Variants in CAMKMT observed in about 807,000 individuals in gnomAD.
CAMKMT encodes the protein calmodulin-lysine N-methyltransferase.
CAMKMT carries 53 observed loss-of-function variants against 48.0 expected under a neutral mutation model. The ratio of observed to expected loss-of-function variants is 1.10; its 90% CI spans 0.89 to 1.39. CAMKMT has a LOEUF of 1.39. Ranked by LOEUF, CAMKMT falls within the 40% of genes most tolerant of loss-of-function variation. CAMKMT has a pLI of 0.00. For missense variants in CAMKMT, 428 were observed against 402.7 expected, an observed-to-expected ratio of 1.06 and a Z score of -0.54; for synonymous variants, 165 against 152.3, an observed-to-expected ratio of 1.08 and a Z score of -0.61.
intron 1 of CAMKMT, among the ~76,000 whole-genome samples, chr2:44,367,644 C>T (rs1236368661): frequency 6.9e-6 from 1 of 144,386 alleles, no homozygotes; most frequent in African/African-American, 3.0e-5. Context: ...TTGCACTCTC[C>T]TCTCTGGCAG....
chr2:44,599,457 T>G (rs1189167126), intron 3 of CAMKMT, among the ~76,000 whole-genome samples: 1 of 152,084 alleles, frequency 6.6e-6, no homozygotes, highest in Non-Finnish European at 1.5e-5. Context: ...CTGGAAAAAA[T>G]GTAGATACAT....
chr2:44,453,557 C>T (rs2104597120), intron 3 of CAMKMT, among the ~76,000 whole-genome samples: 1 of 152,158 alleles, frequency 6.6e-6, no homozygotes, highest in South Asian at 2.1e-4. Context: ...GACAGCTTGG[C>T]AATGAAATTC....
chr2:44,541,430 CT>C (rs1185722299), intron 3 of CAMKMT, among the ~76,000 whole-genome samples: 2 of 151,992 alleles, frequency 1.3e-5, no homozygotes, highest in African/African-American at 4.8e-5. Flanking sequence ...TTATGTTTAT[CT>C]ATATTTTATT....
At chr2:44,409,108 T>TTGCTAC (rs1558587797) in intron 3 of CAMKMT, among the ~76,000 whole-genome samples, 5 of 3,672 alleles carry the variant, frequency 1.4e-3, no homozygotes, top group African/African-American at 3.8e-3. Context: ...TATATATATA[T>TTGCTAC]ATATATATAT....
chr2:44,662,289 T>A (rs528102913), intron 3 of CAMKMT, among the ~76,000 whole-genome samples: 1 of 152,340 alleles, frequency 6.6e-6, no homozygotes, highest in South Asian at 2.1e-4. Context: ...GTATGATGCC[T>A]AGAATGACAA....
intron 3 of CAMKMT, among the ~76,000 whole-genome samples, chr2:44,487,195 A>G (rs950304900): frequency 9.2e-5 from 14 of 152,318 alleles, no homozygotes; most frequent in Admixed American, 3.9e-4. Context: ...AGAACAAACT[A>G]CTTTTCTCAG....
chr2:44,580,747 A>T (rs1669510190), intron 3 of CAMKMT, among the ~76,000 whole-genome samples: 2 of 152,198 alleles, frequency 1.3e-5, no homozygotes. Context: ...GAATGTTGTT[A>T]CAATAGAAAC....
At chr2:44,518,208 A>T (rs1279896566) in intron 3 of CAMKMT, among the ~76,000 whole-genome samples, 1 of 152,148 alleles carries the variant, frequency 6.6e-6, no homozygotes, top group African/African-American at 2.4e-5. Flanking sequence ...ATTGTTAGAC[A>T]AAAATACAAG....
intron 3 of CAMKMT, among the ~76,000 whole-genome samples, chr2:44,424,567 C>T (rs1260184955): frequency 6.6e-6 from 1 of 152,144 alleles, no homozygotes; most frequent in Non-Finnish European, 1.5e-5. Context: ...AACTACCAGG[C>T]CTGACGGAAT....
intron 3 of CAMKMT, among the ~76,000 whole-genome samples, chr2:44,507,378 A>G (rs376410341): frequency 1.1e-4 from 16 of 152,326 alleles, no homozygotes; most frequent in African/African-American, 3.8e-4. Flanking sequence ...ACTTATAAAA[A>G]AAACCTTATG....
intron 3 of CAMKMT, among the ~76,000 whole-genome samples, chr2:44,530,450 G>A (rs1311745815): frequency 6.6e-6 from 1 of 152,104 alleles, no homozygotes; most frequent in Non-Finnish European, 1.5e-5. Context: ...AGCTCTTAAG[G>A]CACTTCTAAA....
intron 3 of CAMKMT, among the ~76,000 whole-genome samples, chr2:44,556,591 T>G (rs1484441297): frequency 1.6e-5 from 1 of 62,646 alleles, no homozygotes; most frequent in African/African-American, 6.4e-5. Flanking sequence ...TGCCTCAGCC[T>G]CCCGAGTAGC....
At chr2:44,379,510 A>AT (rs1221455339) in intron 2 of CAMKMT, among the ~76,000 whole-genome samples, 3 of 152,142 alleles carry the variant, frequency 2.0e-5, no homozygotes, top group African/African-American at 7.2e-5. Context: ...GGGCTGTACC[A>AT]TTTTATATTC....
chr2:44,694,954 G>T (rs1676857228), intron 3 of CAMKMT, among the ~76,000 whole-genome samples: 1 of 152,176 alleles, frequency 6.6e-6, no homozygotes, highest in Non-Finnish European at 1.5e-5. Context: ...AAGCACTAAA[G>T]AATAGGAAAT....
chr2:44,406,798 C>T (rs1433529543), intron 3 of CAMKMT, among the ~76,000 whole-genome samples: 1 of 152,100 alleles, frequency 6.6e-6, no homozygotes, highest in East Asian at 1.9e-4. Flanking sequence ...GAGGTTTCTC[C>T]ATGTTGCCCA....
intron 2 of CAMKMT, among the ~76,000 whole-genome samples, chr2:44,382,011 G>A (rs186999117): frequency 3.5e-5 from 5 of 143,476 alleles, no homozygotes; most frequent in South Asian, 4.4e-4. Context: ...GCACGATCTC[G>A]GCTCACAGCA....
At chr2:44,520,808 A>G (rs959218189) in intron 3 of CAMKMT, among the ~76,000 whole-genome samples, 10 of 152,050 alleles carry the variant, frequency 6.6e-5, no homozygotes, top group Admixed American at 5.2e-4. Flanking sequence ...CCCCCATGCT[A>G]TTCTCGTGAT....
chr2:44,456,702 G>A (rs1667582244), intron 3 of CAMKMT: 1 of 1,167,660 alleles, frequency 8.6e-7, no homozygotes, highest in African/African-American at 1.5e-5. Flanking sequence ...ACCTCTGCTT[G>A]TCTTCATGAT....
At position 44,730,347 on chromosome 2, in the gene CAMKMT, C is replaced by T. The variant is rs144138175; in HGVS notation, c.624-13275C>T. 9.2e-3 allele frequency among the ~76,000 whole-genome samples: 1,405 copies of T among 152,334 alleles called. 6 individuals carry two copies. The highest frequency in any genetic ancestry group is 0.019 in the South Asian group (91 of 4,824). On this transcript the variant is annotated intron_variant, in intron 7 of 10. Coordinates refer to ENST00000378494, the MANE Select transcript of CAMKMT (RefSeq NM_024766.5). ...ACTTGTCCAGTCCACAGTGATTACTCCTTTGGTAGTACCTTACTTACATAG... is the reference window on the plus strand; with the variant it reads ...ACTTGTCCAGTCCACAGTGATTACTTCTTTGGTAGTACCTTACTTACATAG...
Sources: allele counts gnomAD v4.1 joint callset (sites outside exome capture counted in the v4.1 genomes callset), GRCh38; gene constraint gnomAD v4.1.1; transcripts MANE v1.5; gene names NCBI Gene and HGNC (gene_info 2026-07-23, HGNC 2026-07-21).